FER1L6: variants seen among roughly 807,000 people sequenced by gnomAD.
FER1L6 encodes fer-1-like protein 6.
A neutral mutation model predicts 219.2 loss-of-function variants in FER1L6; 177 were observed. The observed-to-expected ratio is 0.81, with a 90% confidence interval of 0.71 to 0.91. The LOEUF is 0.91. Ranked by LOEUF, FER1L6 falls within the 40% of genes least tolerant of loss-of-function variation. The probability of loss-of-function intolerance (pLI) is 0.00; values close to 1 mark genes in which losing one functional copy is unlikely to be tolerated. For missense variants in FER1L6, 2,153 were observed against 2,259.9 expected (o/e 0.95, Z 0.96); for synonymous variants, 768 against 824.3 (o/e 0.93, Z 1.17).
At chr8:123,953,287 G>T (rs1242520683) in intron 1 of FER1L6, among the ~76,000 whole-genome samples, 3 of 152,196 alleles carry the variant, frequency 2.0e-5, no homozygotes, top group African/African-American at 7.2e-5. Context: ...GGGCCGCGCT[G>T]GTTGTAAATC....
chr8:123,945,724 A>C (rs4871444), intron 1 of FER1L6, among the ~76,000 whole-genome samples: 35,739 of 152,182 alleles, frequency 0.23, 4,962 homozygotes, highest in East Asian at 0.41. Flanking sequence ...TCTTGGAACT[A>C]ATTAGCTTGA....
intron 37 of FER1L6, among the ~76,000 whole-genome samples, chr8:124,099,541 T>C (rs538765317): frequency 6.6e-6 from 1 of 152,284 alleles, no homozygotes; most frequent in African/African-American, 2.4e-5. Flanking sequence ...CCATTGTCTT[T>C]TCCTCCATCA....
intron 19 of FER1L6, among the ~76,000 whole-genome samples, chr8:124,038,692 A>C (rs1819328106): frequency 6.6e-6 from 1 of 152,206 alleles, no homozygotes; most frequent in Admixed American, 6.5e-5. Flanking sequence ...AAGGCACACT[A>C]ATAAAGGATT....
In FER1L6 at chr8:123,853,808, G is replaced by C. The variant is rs1816573371; in HGVS notation, c.-8+1623G>C. Reference sequence around the variant, plus strand: ...CTGGTTTTCACTGAGAACGATGTAAGAAGGAACAACATCGCGGCCTTGATG... The same window carrying C: ...CTGGTTTTCACTGAGAACGATGTAACAAGGAACAACATCGCGGCCTTGATG... On this transcript the variant is annotated intron_variant, in intron 1 of 40. Transcript: ENST00000522917. The surrounding 1 kb of genome is among the most constrained non-coding windows in gnomAD (Gnocchi z 6.6). Among the ~76,000 whole-genome samples, 1 of 152,248 alleles carries C rather than the reference G, an allele frequency of 6.6e-6. No homozygotes were observed.
chr8:124,104,524 A>ATG (rs1362544903), intron 39 of FER1L6, among the ~76,000 whole-genome samples: 1 of 152,220 alleles, frequency 6.6e-6, no homozygotes, highest in Non-Finnish European at 1.5e-5. Context: ...GAAAAAGAGA[A>ATG]GATATCTATT....
At chr8:123,877,002 C>T (rs530212485) in intron 1 of FER1L6, among the ~76,000 whole-genome samples, 2 of 152,324 alleles carry the variant, frequency 1.3e-5, no homozygotes, top group African/African-American at 4.8e-5. Context: ...TTCTCTGCAT[C>T]CTGCACTCAG....
intron 1 of FER1L6, among the ~76,000 whole-genome samples, chr8:123,854,795 G>A (rs1337269080): frequency 3.9e-5 from 6 of 152,118 alleles, no homozygotes; most frequent in Non-Finnish European, 8.8e-5. Flanking sequence ...CTGTGGGAGT[G>A]AAACTGGGAG....
chr8:123,946,223 A>G (rs1298589257), intron 1 of FER1L6, among the ~76,000 whole-genome samples: 1 of 152,156 alleles, frequency 6.6e-6, no homozygotes, highest in Non-Finnish European at 1.5e-5. Flanking sequence ...CAATTTTGCT[A>G]TCTGTTTAAT....
chr8:124,055,870 A>G (rs1168683933), intron 22 of FER1L6, among the ~76,000 whole-genome samples: 2 of 151,988 alleles, frequency 1.3e-5, no homozygotes, highest in African/African-American at 4.8e-5. Flanking sequence ...TTCCTTGTCT[A>G]TTCTGGTTTC....
rs10097462 is a variant in FER1L6, at chr8:123,856,004, A to G, written c.-8+3819A>G. Among the ~76,000 whole-genome samples the G allele has an allele frequency of 3.1e-3, 423 of 136,964 alleles. 9 individuals are homozygous for G. Among genetic ancestry groups the G allele is most frequent in the Middle Eastern group, 0.014 (3 of 212 alleles). The allele number at this position is 136,964 out of a possible 152,430, so 89.9% of individuals were successfully genotyped here. ...ATGAGATATATGTATATACATATGT[A>G]TATGAGATATATGTATATACATATG... On this transcript the variant is annotated intron_variant, in intron 1 of 40. Coordinates refer to ENST00000522917, the MANE Select transcript of FER1L6 (RefSeq NM_001039112.2).
chr8:124,060,591 T>G lies in FER1L6; in HGVS notation c.3029T>G (p.Leu1010Arg). Residue 1010 changes from leucine (L) to arginine (R), a missense_variant, in exon 24 of 41, where the codon CTC (leucine) becomes CGC (arginine). Physicochemically the swap from Leu to Arg is moderately radical, Grantham distance 102. Transcript: ENST00000522917. ...GVREMKKVQL[L>R]SVDRPQALIE... ...CGGGAAATGAAGAAGGTGCAGCTCC[T>G]CTCTGTGGATCGGCCTCAGGCTCTC... 1.9e-6 allele frequency: 3 copies of G among 1,614,020 alleles called. No individual in the cohort carries two copies. Among genetic ancestry groups the G allele is most frequent in the Middle Eastern group, 1.6e-4 (1 of 6,062 alleles).
At chr8:124,011,108 C>CT (rs147463350) in intron 14 of FER1L6, among the ~76,000 whole-genome samples, 2,316 of 152,264 alleles carry the variant, frequency 0.015, 58 homozygotes, top group African/African-American at 0.052. Flanking sequence ...CCCTGCCTAA[C>CT]CTATAGCCCC....
intron 1 of FER1L6, among the ~76,000 whole-genome samples, chr8:123,859,311 T>C (rs115771842): frequency 1.2e-3 from 184 of 152,344 alleles, no homozygotes; most frequent in African/African-American, 4.4e-3. Flanking sequence ...TATTTATTTA[T>C]TTTCAATGTG....
chr8:124,053,516 G>GA (rs1820144703), intron 22 of FER1L6, among the ~76,000 whole-genome samples: 2 of 152,190 alleles, frequency 1.3e-5, no homozygotes, highest in African/African-American at 4.8e-5. Flanking sequence ...ACAGGGGCTG[G>GA]AAAATGCCTT....
chr8:123,883,001 T>C (rs749885180), intron 1 of FER1L6, among the ~76,000 whole-genome samples: 3 of 152,154 alleles, frequency 2.0e-5, no homozygotes, highest in Non-Finnish European at 2.9e-5. Flanking sequence ...GTGTAGGAAC[T>C]CTCTACCTTT....
Position 124,119,687 on chromosome 8 carries a change from A to C in FER1L6, c.5471A>C (p.Tyr1824Ser), listed in dbSNP as rs372367588. 6.2e-7 allele frequency: 1 copy of C among 1,612,980 alleles called. No homozygotes were observed. Among genetic ancestry groups the C allele is most frequent in the East Asian group, 2.2e-5 (1 of 44,868 alleles). Reference protein sequence around the residue: ...YYLIWKNYKKYIIIAFILIIL... With the variant: ...YYLIWKNYKKSIIIAFILIIL... The stretch of plus-strand genomic sequence containing the variant: ...CTCATCTGGAAGAATTACAAAAAGT[A>C]CATCATCATTGCTTTCATTCTCATC... The change falls in exon 41 of 41, where the codon TAC becomes TCC. Residue 1824 changes from tyrosine to serine, a missense_variant. By Grantham distance (144) the Tyr-to-Ser change is moderately radical (BLOSUM62 -2). Transcript: ENST00000522917.
intron 2 of FER1L6, among the ~76,000 whole-genome samples, chr8:123,961,989 A>G (rs1815306629): frequency 6.6e-6 from 1 of 150,608 alleles, no homozygotes; most frequent in Non-Finnish European, 1.5e-5. Flanking sequence ...TACTGGGTTC[A>G]AGCGATTCTT....
At chr8:124,006,493 C>T (rs757793102) in intron 13 of FER1L6, among the ~76,000 whole-genome samples, 5 of 152,214 alleles carry the variant, frequency 3.3e-5, no homozygotes, top group African/African-American at 4.8e-5. Flanking sequence ...AACCCCTATA[C>T]ATGTGTGCAC....
At chr8:123,936,708 C>T (rs938480799) in intron 1 of FER1L6, among the ~76,000 whole-genome samples, 2 of 151,910 alleles carry the variant, frequency 1.3e-5, no homozygotes, top group African/African-American at 4.8e-5. Context: ...TTTTATCTTG[C>T]CCATAGCAGA....
Sources: allele counts gnomAD v4.1 joint callset (sites outside exome capture counted in the v4.1 genomes callset), GRCh38; gene constraint gnomAD v4.1.1; non-coding constraint Gnocchi (gnomAD v3.1); transcripts MANE v1.5; gene names NCBI Gene and HGNC (gene_info 2026-07-23, HGNC 2026-07-21).